Variants in RIF1 observed in about 807,000 individuals in gnomAD.
The protein encoded by RIF1 is telomere-associated protein RIF1.
Under a neutral mutation model 247.1 loss-of-function variants are expected in RIF1, and 45 were observed. The ratio of observed to expected loss-of-function variants is 0.18; its 90% CI spans 0.14 to 0.23. The LOEUF is 0.23. Among genes scored for constraint, RIF1 ranks in the 10% least tolerant of loss-of-function variants. RIF1 has a pLI of 1.00. For synonymous variants in RIF1, 1,087 were observed against 978.8 expected (o/e 1.11, Z -2.06); for missense variants, 2,967 against 2,862.5 (o/e 1.04, Z -0.83).
At chr2:151,516,579 C>A in the RIF1 span, 5 of 1,511,714 alleles carry the variant, frequency 3.3e-6, no homozygotes, top group Non-Finnish European at 4.6e-6. Flanking sequence ...GATAGAAAGC[C>A]ATGTTAGATA....
the RIF1 span, among the ~76,000 whole-genome samples, chr2:151,515,215 A>T: frequency 1.3e-5 from 2 of 152,226 alleles, no homozygotes; most frequent in Admixed American, 1.3e-4. Context: ...TGGATGCACC[A>T]TCAGGACTCT....
intron 12 of RIF1, 109 bp from the exon 13 acceptor site, chr2:151,437,132 T>G: frequency 8.1e-7 from 1 of 1,230,502 alleles, no homozygotes; most frequent in Non-Finnish European, 1.1e-6. Flanking sequence ...ATGAATCTTT[T>G]TTTTATAGAA....
chr2:151,453,326 C>G (rs1694640430), intron 21 of RIF1, among the ~76,000 whole-genome samples: 1 of 152,054 alleles, frequency 6.6e-6, no homozygotes, highest in South Asian at 2.1e-4. Flanking sequence ...CCTGTAATAC[C>G]AGCACTTTGA....
chr2:151,497,807 T>TC (rs1458745011), intron 10 of RIF1: 1 of 1,537,196 alleles, frequency 6.5e-7, no homozygotes, highest in Non-Finnish European at 8.7e-7. Flanking sequence ...AACACAGTCA[T>TC]CCAAGGAGCC....
Position 151,462,904 on chromosome 2 carries a change from CATT to C in RIF1, c.3385_3387del (p.Ile1129del), listed in dbSNP as rs1429671404. The C allele has an allele frequency of 8.7e-6, 14 of 1,606,818 alleles. No homozygotes were observed. The highest frequency in any genetic ancestry group is 1.2e-5 in the Non-Finnish European group (14 of 1,177,010). On this transcript the variant is annotated inframe_deletion, in exon 30 of 36. Transcript: ENST00000444746. The stretch of plus-strand genomic sequence containing the variant: ...TGCAGGAGGAGCAAATGGACAGTGA[CATT>C]GTCATTCCTCAAGATGTCACGGAAG...
intron 8 of RIF1, among the ~76,000 whole-genome samples, chr2:151,425,041 C>A (rs1688801386): frequency 6.6e-6 from 1 of 151,776 alleles, no homozygotes; most frequent in Non-Finnish European, 1.5e-5. Context: ...CACTGGGGTT[C>A]CGCTTCCATA....
chr2:151,505,528 C>T (rs1364424120), intron 12 of RIF1: 1 of 1,613,790 alleles, frequency 6.2e-7, no homozygotes, highest in Non-Finnish European at 8.5e-7. Flanking sequence ...TCAGGCAGGT[C>T]AGGGATTGGA....
chr2:151,500,172 ATT>A (rs1477469747), intron 11 of RIF1, among the ~76,000 whole-genome samples: 1 of 152,220 alleles, frequency 6.6e-6, no homozygotes, highest in African/African-American at 2.4e-5. Context: ...AAATTGAAGG[ATT>A]GTTAGTGAAT....
At chr2:151,512,016 ACTCTTTTTTTTTT>A (rs1229779856), downstream of RIF1, among the ~76,000 whole-genome samples, 3 of 111,028 alleles carry the variant, frequency 2.7e-5, no homozygotes, top group African/African-American at 7.0e-5. Flanking sequence ...TTACCCTCTC[ACTCTTTTTTTTTT>A]TTTTTTTTTT....
chr2:151,433,258 TTA>T (rs750526458), intron 10 of RIF1, 30 bp downstream of exon 10: 6 of 1,554,308 alleles, frequency 3.9e-6, no homozygotes, highest in Admixed American at 1.8e-5. Flanking sequence ...CTATAGCACT[TTA>T]TGTTTTTGTT....
At chr2:151,443,500 T>G (rs1692727519) in intron 17 of RIF1, 29 bp from the exon 18 acceptor site, 1 of 1,524,106 alleles carries the variant, frequency 6.6e-7, no homozygotes, top group East Asian at 2.3e-5. Flanking sequence ...GCCAAAAAGT[T>G]GATGCATTTT....
intron 11 of RIF1, among the ~76,000 whole-genome samples, chr2:151,436,540 CAAA>C (rs561444176): frequency 1.2e-4 from 7 of 60,810 alleles, no homozygotes; most frequent in Admixed American, 1.8e-4. Context: ...GACTCTGTCT[CAAA>C]AAAAAAAAAA....
rs59661470 is a variant in RIF1 at position 151,453,579 on chromosome 2, C to CAAA, written c.2345-1295_2345-1293dup. On this transcript the variant is annotated intron_variant, in intron 21 of 35. Transcript: ENST00000444746. ...TGGGCAACAGAGCTAGACTCTGTCT[C>CAAA]AAAAAAAAAAAAAAAAAAAAAAAGG... Among the ~76,000 whole-genome samples, 306 of 72,834 alleles carry CAAA rather than the reference C, an allele frequency of 4.2e-3. 6 individuals are homozygous for CAAA. The highest frequency in any genetic ancestry group is 0.041 in the East Asian group (110 of 2,662). 47.8% of individuals were successfully genotyped at this position (72,834 alleles called of 152,430 possible).
chr2:151,466,383 A>G (rs953965602), intron 30 of RIF1, among the ~76,000 whole-genome samples: 1 of 152,242 alleles, frequency 6.6e-6, no homozygotes, highest in Non-Finnish European at 1.5e-5. Context: ...GGCAAAATTG[A>G]TAAGGCTCCT....
the RIF1 span, among the ~76,000 whole-genome samples, chr2:151,518,094 C>T: frequency 6.6e-6 from 1 of 152,178 alleles, no homozygotes; most frequent in Non-Finnish European, 1.5e-5. Context: ...CTTTATGCTT[C>T]CAGCCCCTGC....
At chr2:151,484,797 G>C (rs1367024555), downstream of RIF1, among the ~76,000 whole-genome samples, 1 of 152,202 alleles carries the variant, frequency 6.6e-6, no homozygotes, top group Non-Finnish European at 1.5e-5. Flanking sequence ...TCTTGGGTCT[G>C]CAAATTCCCT....
At chr2:151,459,088 A>T (rs1695702672) in intron 25 of RIF1, among the ~76,000 whole-genome samples, 178 bp downstream of exon 25, 1 of 152,206 alleles carries the variant, frequency 6.6e-6, no homozygotes, top group Non-Finnish European at 1.5e-5. Context: ...TCATGTAAAT[A>T]ATCTCTAATT....
chr2:151,462,773 G>T, intron 29 of RIF1, 111 bp from the exon 30 acceptor site: 2 of 730,864 alleles, frequency 2.7e-6, no homozygotes, highest in East Asian at 2.7e-5. Context: ...TTGAATGTCA[G>T]TGATTATCTT....
At chr2:151,447,179 G>A (rs62169383) in intron 20 of RIF1, among the ~76,000 whole-genome samples, 2 of 152,044 alleles carry the variant, frequency 1.3e-5, no homozygotes, top group Non-Finnish European at 2.9e-5. Flanking sequence ...TCCTGACCTC[G>A]TGATCCGCCC....
Sources: allele counts gnomAD v4.1 joint callset (sites outside exome capture counted in the v4.1 genomes callset), GRCh38; gene constraint gnomAD v4.1.1; transcripts MANE v1.5; gene names NCBI Gene and HGNC (gene_info 2026-07-23, HGNC 2026-07-21).